The following ARFIP1 variants were observed in gnomAD, a reference collection of about 807,000 sequenced individuals.
ARFIP1 encodes the protein ARF interacting protein 1, also known as arfaptin-1.
A neutral mutation model predicts 42.5 loss-of-function variants in ARFIP1; 24 were observed. That is an observed-to-expected ratio of 0.57 (90% CI 0.41 to 0.80). ARFIP1 has a LOEUF of 0.80. Ranked by LOEUF, ARFIP1 falls within the 30% of genes least tolerant of loss-of-function variation. The probability of loss-of-function intolerance (pLI) is 0.00; values close to 1 mark genes in which losing one functional copy is unlikely to be tolerated. For synonymous variants in ARFIP1, 141 were observed against 153.7 expected, an observed-to-expected ratio of 0.92 and a Z score of 0.61; for missense variants, 354 against 434.0, an observed-to-expected ratio of 0.82 and a Z score of 1.64.
chr4:152,846,930 T>G (rs2149861459), intron 2 of ARFIP1, among the ~76,000 whole-genome samples: 1 of 151,906 alleles, frequency 6.6e-6, no homozygotes, highest in Non-Finnish European at 1.5e-5. Flanking sequence ...CAATTTTTTT[T>G]TTTTGTTCTT....
intron 7 of ARFIP1, among the ~76,000 whole-genome samples, chr4:152,886,269 G>C (rs1443773731): frequency 6.6e-6 from 1 of 151,864 alleles, no homozygotes; most frequent in African/African-American, 2.4e-5. Context: ...ATACAATCAT[G>C]TCATTTTTAT....
At chr4:152,803,925 A>C (rs1728624375) in intron 1 of ARFIP1, among the ~76,000 whole-genome samples, 2 of 147,986 alleles carry the variant, frequency 1.4e-5, no homozygotes, top group East Asian at 1.9e-4. Context: ...TCAAGAAAGC[A>C]GTGTGTTTGA....
chr4:152,895,844 G>A (rs62319953), intron 8 of ARFIP1, among the ~76,000 whole-genome samples: 4,092 of 152,184 alleles, frequency 0.027, 99 homozygotes, highest in South Asian at 0.11. Flanking sequence ...TTATAGGCGT[G>A]AGCTGCCATG....
chr4:152,785,119 G>C (rs2149812279), intron 1 of ARFIP1, among the ~76,000 whole-genome samples: 1 of 152,330 alleles, frequency 6.6e-6, no homozygotes, highest in Non-Finnish European at 1.5e-5. Flanking sequence ...TGGAAGCTGT[G>C]GAGTGGGGGA....
chr4:152,863,636 G>T lies in ARFIP1; in HGVS notation c.124G>T (p.Gly42Cys). 1 of 1,607,000 alleles carries T rather than the reference G, an allele frequency of 6.2e-7. No individual in the cohort carries two copies. Among genetic ancestry groups the T allele is most frequent in the South Asian group, 1.1e-5 (1 of 90,812 alleles). The stretch of plus-strand genomic sequence containing the variant: ...GAAGCATTCATTACCATCTGGACTT[G>T]GTCTCTCAGAAACCCAAATTACATC... Reference protein sequence around the residue: ...DLKHSLPSGLGLSETQITSHG... With the variant: ...DLKHSLPSGLCLSETQITSHG... Residue 42 changes from glycine to cysteine, a missense_variant, in exon 3 of 9, where the codon GGT becomes TGT. Gly to Cys is a radical substitution (Grantham distance 159). Transcript: ENST00000353617.
intron 2 of ARFIP1, among the ~76,000 whole-genome samples, chr4:152,859,462 T>C (rs1733706087): frequency 6.6e-6 from 1 of 152,186 alleles, no homozygotes; most frequent in Admixed American, 6.5e-5. Flanking sequence ...GATGCCTCAT[T>C]TATTGAATAT....
At chr4:152,878,615 G>A (rs1440634710) in intron 5 of ARFIP1, among the ~76,000 whole-genome samples, 1 of 152,150 alleles carries the variant, frequency 6.6e-6, no homozygotes, top group Non-Finnish European at 1.5e-5. Flanking sequence ...CAAGTGTCCA[G>A]TTTATCTTAA....
At position 152,910,616 on chromosome 4, in the gene ARFIP1, T is replaced by G. The variant is rs1738770345; in HGVS notation, c.*397T>G. The G allele has an allele frequency of 6.3e-6, 1 of 157,992 alleles. No individual in the cohort carries two copies. The highest frequency in any genetic ancestry group is 1.4e-5 in the Non-Finnish European group (1 of 71,808). 9.8% of individuals were successfully genotyped at this position (157,992 alleles called of 1,614,324 possible). On this transcript the variant is annotated 3_prime_UTR_variant, in exon 9 of 9. Coordinates refer to ENST00000353617, the MANE Select transcript of ARFIP1 (RefSeq NM_001025595.3). ...ATGATTTGTATCAACATCAGATATTTTATATGTGAATATATTAAACATCTT... is the reference window on the plus strand; with the variant it reads ...ATGATTTGTATCAACATCAGATATTGTATATGTGAATATATTAAACATCTT...
At chr4:152,781,927 T>C (rs1053422790) in intron 1 of ARFIP1, among the ~76,000 whole-genome samples, 5 of 152,248 alleles carry the variant, frequency 3.3e-5, no homozygotes, top group Non-Finnish European at 5.9e-5. Context: ...GTGAATTTTT[T>C]TCCCCCCTGG....
chr4:152,872,708 A>G (rs1734992767), intron 5 of ARFIP1, 144 bp downstream of exon 5: 1 of 509,550 alleles, frequency 2.0e-6, no homozygotes, highest in African/African-American at 2.0e-5. Flanking sequence ...TTTGAAAATG[A>G]AGTATTTGTT....
intron 5 of ARFIP1, among the ~76,000 whole-genome samples, chr4:152,872,901 G>A (rs1049208500): frequency 2.6e-5 from 4 of 152,158 alleles, no homozygotes; most frequent in Non-Finnish European, 5.9e-5. Context: ...TATAGGAGCT[G>A]AAGGTGAAGA....
intron 2 of ARFIP1, among the ~76,000 whole-genome samples, chr4:152,862,985 T>G (rs1734013012): frequency 6.6e-6 from 1 of 152,200 alleles, no homozygotes; most frequent in Admixed American, 6.5e-5. Context: ...ACATTGTGCT[T>G]CTTGACTTTT....
chr4:152,813,951 T>G (rs544583444), intron 1 of ARFIP1, among the ~76,000 whole-genome samples: 1 of 152,330 alleles, frequency 6.6e-6, no homozygotes, highest in Admixed American at 6.5e-5. Flanking sequence ...CCCTTCAGCC[T>G]GAAGAACTTC....
intron 2 of ARFIP1, among the ~76,000 whole-genome samples, chr4:152,853,876 C>CAA: frequency 6.9e-6 from 1 of 145,386 alleles, no homozygotes; most frequent in Non-Finnish European, 1.5e-5. Flanking sequence ...TGGGTTCTTT[C>CAA]AAAAGACCTG....
intron 5 of ARFIP1, among the ~76,000 whole-genome samples, chr4:152,880,474 T>TC (rs576889079): frequency 2.0e-4 from 31 of 152,046 alleles, no homozygotes; most frequent in African/African-American, 6.8e-4. Context: ...CTCTTCCTCT[T>TC]CCCCCCCGCT....
chr4:152,804,090 GTA>G (rs1728670146), intron 1 of ARFIP1, among the ~76,000 whole-genome samples: 1 of 45,930 alleles, frequency 2.2e-5, no homozygotes, highest in Non-Finnish European at 5.1e-5. Context: ...ATAATATAAC[GTA>G]ATATATATTA....
intron 2 of ARFIP1, among the ~76,000 whole-genome samples, chr4:152,844,932 G>C (rs191237326): frequency 4.6e-5 from 7 of 152,140 alleles, no homozygotes; most frequent in Non-Finnish European, 1.0e-4. Flanking sequence ...AAAGAACAAG[G>C]CTGGAGGCAT....
chr4:152,818,552 G>T (rs555681705), intron 1 of ARFIP1, among the ~76,000 whole-genome samples: 1 of 152,344 alleles, frequency 6.6e-6, no homozygotes, highest in Admixed American at 6.5e-5. Context: ...TCCCAACTGA[G>T]ATTTGTGCTA....
intron 2 of ARFIP1, among the ~76,000 whole-genome samples, chr4:152,847,121 G>GTTCTTTTT (rs1732598915): frequency 2.1e-5 from 1 of 48,180 alleles, no homozygotes; most frequent in Non-Finnish European, 4.3e-5. Context: ...TTTTAGGTTT[G>GTTCTTTTT]TTCTTTTTTT....
Sources: allele counts gnomAD v4.1 joint callset (sites outside exome capture counted in the v4.1 genomes callset), GRCh38; gene constraint gnomAD v4.1.1; transcripts MANE v1.5; gene names NCBI Gene and HGNC (gene_info 2026-07-23, HGNC 2026-07-21).